PSMD9: variants seen among roughly 807,000 people sequenced by gnomAD.
PSMD9 encodes proteasome 26S subunit, non-ATPase 9.
PSMD9 carries 26 observed loss-of-function variants against 25.9 expected under a neutral mutation model. The observed-to-expected ratio is 1.00, with a 90% confidence interval of 0.73 to 1.39. The LOEUF (loss-of-function observed/expected upper bound fraction) is 1.39, where lower values mean the gene tolerates loss of function less well. PSMD9 is among the 40% of genes most tolerant of loss of function. The pLI, the probability that PSMD9 is intolerant of heterozygous loss-of-function variation, is 0.00. For missense variants in PSMD9, 303 were observed against 299.3 expected, an observed-to-expected ratio of 1.01 and a Z score of -0.09; for synonymous variants, 110 against 114.5, an observed-to-expected ratio of 0.96 and a Z score of 0.25.
In PSMD9 at chr12:121,888,848, G is replaced by C; in HGVS notation, c.-9G>C. On this transcript the variant is annotated 5_prime_UTR_variant, in exon 1 of 6. Transcript: ENST00000541212. ...GCCGGGTCTCTGGAGTCGCGGCCCG[G>C]GGTTCACGATGTCCGACGAGGAAGC... is the stretch of plus-strand genomic sequence containing the variant. The C allele has an allele frequency of 6.2e-7, 1 of 1,600,678 alleles. No homozygotes were observed. Among genetic ancestry groups the C allele is most frequent in the Non-Finnish European group, 8.5e-7 (1 of 1,174,772 alleles).
intron 4 of PSMD9, 39 bp from the exon 5 acceptor site, chr12:121,915,817 A>G: frequency 6.5e-7 from 1 of 1,544,364 alleles, no homozygotes. Context: ...TCTGAGTACT[A>G]ACGAGGCTGA....
rs1336896251 is a variant in PSMD9 at position 121,903,099 on chromosome 12, A to G, written c.547A>G (p.Ser183Gly). The G allele has an allele frequency of 6.2e-7, 1 of 1,613,564 alleles. No individual in the cohort carries two copies. The highest frequency in any genetic ancestry group is 1.3e-5 in the African/African-American group (1 of 74,880). The change falls in exon 4 of 6, where the codon AGT becomes GGT. Residue 183 changes from serine (S) to glycine (G), a missense_variant. Physicochemically the swap from Ser to Gly is moderately conservative, Grantham distance 56. Transcript: ENST00000541212. ...TAACATTGGCAGTGTGGTGCAGCAC[A>G]GTGAGGGGGTGAGTGGGGCTACCTG... ...LHNIGSVVQHSEGKPLNVTVI... is the reference protein window; with the variant it reads ...LHNIGSVVQHGEGKPLNVTVI...
At position 121,915,908 on chromosome 12, in the gene PSMD9, T is replaced by C. The variant is rs1324981201; in HGVS notation, c.608T>C (p.Leu203Pro). The C allele has an allele frequency of 2.5e-6, 4 of 1,613,862 alleles. No individual in the cohort carries two copies. The highest frequency in any genetic ancestry group is 3.4e-6 in the Non-Finnish European group (4 of 1,179,980). The change falls in exon 5 of 6, where the codon CTT (leucine) becomes CCT (proline). Residue 203 changes from leucine (L) to proline (P), a missense_variant. Transcript: ENST00000541212. ...IRRGEKHQLR[L>P]VPTRWAGKGL... is the part of the protein sequence containing the mutation. ...AGGGGGGAAAAACACCAGCTTAGACTTGTTCCAACACGCTGGGCAGGAAAA... is the reference window on the plus strand; with the variant it reads ...AGGGGGGAAAAACACCAGCTTAGACCTGTTCCAACACGCTGGGCAGGAAAA...
intron 1 of PSMD9, among the ~76,000 whole-genome samples, chr12:121,891,838 G>A (rs1356495418): frequency 2.0e-5 from 3 of 149,990 alleles, no homozygotes; most frequent in Non-Finnish European, 4.4e-5. Context: ...CCTGGGAGGC[G>A]GAGGTTGCAG....
At chr12:121,907,821 C>G (rs1470890329) in intron 4 of PSMD9, among the ~76,000 whole-genome samples, 1 of 152,178 alleles carries the variant, frequency 6.6e-6, no homozygotes, top group African/African-American at 2.4e-5. Context: ...AGGAGGATCA[C>G]TTGAGGCCAG....
At chr12:121,901,596 C>A (rs891745561) in intron 3 of PSMD9, among the ~76,000 whole-genome samples, 1 of 151,214 alleles carries the variant, frequency 6.6e-6, no homozygotes, top group Admixed American at 6.6e-5. Flanking sequence ...CTCAAGCGAT[C>A]CTTCTTCCTC....
intron 1 of PSMD9, among the ~76,000 whole-genome samples, chr12:121,889,517 A>G (rs985439851): frequency 1.3e-5 from 2 of 151,968 alleles, no homozygotes; most frequent in African/African-American, 4.8e-5. Flanking sequence ...TGCACCCGGC[A>G]TTTGCTGATT....
chr12:121,912,868 CAAAAAAAAAAAAA>C (rs35325016), intron 4 of PSMD9, among the ~76,000 whole-genome samples: 1 of 85,810 alleles, frequency 1.2e-5, no homozygotes, highest in East Asian at 4.7e-4. Context: ...AACCCTGTCT[CAAAAAAAAAAAAA>C]AAAAAAGAAA....
chr12:121,902,953 C>A, intron 3 of PSMD9, 53 bp from the exon 4 acceptor site: 1 of 1,438,128 alleles, frequency 7.0e-7, no homozygotes, highest in Non-Finnish European at 9.8e-7. Flanking sequence ...TAGAGACCAC[C>A]AGGAGCACAC....
rs148624859 is a variant in PSMD9, at chr12:121,899,950, C to T, written c.453+105C>T. 104 of 1,282,350 alleles carry T rather than the reference C, an allele frequency of 8.1e-5. 3 individuals are homozygous for T. In the African/African-American group the frequency reaches 1.2e-3, roughly 15 times the overall value. The allele number at this position is 1,282,350 out of a possible 1,614,324, so 79.4% of individuals were successfully genotyped here. ...GACTAGTTCTCTCCGTGCTGCGGTG[C>T]TGAGTTCAGTTACTCATTTAACAAA... is the stretch of plus-strand genomic sequence containing the variant. On this transcript the variant is annotated intron_variant, in intron 3 of 5. Coordinates refer to ENST00000541212, the MANE Select transcript of PSMD9 (RefSeq NM_002813.7).
chr12:121,888,819 G>A lies in PSMD9; in HGVS notation c.-38G>A. The A allele has an allele frequency of 3.2e-6, 5 of 1,585,514 alleles. No individual in the cohort carries two copies. The highest frequency in any genetic ancestry group is 4.3e-6 in the Non-Finnish European group (5 of 1,167,046). ...TCGACTGGGGCGTCGTCCCTAGCCC[G>A]GGAGCCGGGTCTCTGGAGTCGCGGC... On this transcript the variant is annotated 5_prime_UTR_variant, in exon 1 of 6. Transcript: ENST00000541212.
intron 2 of PSMD9, among the ~76,000 whole-genome samples, chr12:121,896,141 CT>C (rs1294458645): frequency 6.6e-6 from 1 of 150,870 alleles, no homozygotes; most frequent in Non-Finnish European, 1.5e-5. Flanking sequence ...AAAAAAAAAT[CT>C]GTTTGAGCAA....
At chr12:121,895,052 C>CTT (rs924593936) in intron 2 of PSMD9, among the ~76,000 whole-genome samples, 1 of 148,444 alleles carries the variant, frequency 6.7e-6, no homozygotes, top group Non-Finnish European at 1.5e-5. Flanking sequence ...CTCTCTCTCT[C>CTT]TTTTTTTTTT....
rs1275486869 is a variant in PSMD9 at position 121,918,114 on chromosome 12, C to A, written c.*1803C>A. 6.6e-6 allele frequency: 1 copy of A among 152,190 alleles called. No homozygotes were observed. The highest frequency in any genetic ancestry group is 1.5e-5 in the Non-Finnish European group (1 of 68,056). 9.4% of individuals were successfully genotyped at this position (152,190 alleles called of 1,614,324 possible). A position where few individuals can be genotyped will look rare whatever the true frequency, so the allele number is the denominator to read the frequency against. ...GTGGAATGATCCTAATAGATATAGC[C>A]AGACCGGTTTTGCGGAAACGCTTTG... On this transcript the variant is annotated 3_prime_UTR_variant, in exon 6 of 6. Transcript: ENST00000541212. This position sits in a 1 kb window ranked among gnomAD's most constrained non-coding sequence, Gnocchi z 4.3.
At chr12:121,912,805 G>A (rs1290339909) in intron 4 of PSMD9, among the ~76,000 whole-genome samples, 1 of 145,636 alleles carries the variant, frequency 6.9e-6, no homozygotes, top group African/African-American at 2.5e-5. Flanking sequence ...GGCAGAGGTT[G>A]CAGTGAGCTA....
chr12:121,899,512 T>A (rs1592943227), intron 2 of PSMD9, 122 bp from the exon 3 acceptor site: 1 of 928,860 alleles, frequency 1.1e-6, no homozygotes, highest in South Asian at 1.7e-5. Flanking sequence ...AGAGACTCCT[T>A]CTCACCTCTA....
At chr12:121,913,671 T>C (rs746675665) in intron 4 of PSMD9, among the ~76,000 whole-genome samples, 21 of 151,752 alleles carry the variant, frequency 1.4e-4, no homozygotes, top group Middle Eastern at 3.4e-3. Context: ...AAAAAAAATA[T>C]ATGTTTTTTG....
At chr12:121,914,899 T>C (rs891708465) in intron 4 of PSMD9, 1 of 152,076 alleles carries the variant, frequency 6.6e-6, no homozygotes. Flanking sequence ...ATTAATGATA[T>C]GGAAATATAT....
intron 4 of PSMD9, among the ~76,000 whole-genome samples, chr12:121,903,337 C>A (rs1339445244): frequency 6.6e-6 from 1 of 152,142 alleles, no homozygotes; most frequent in Non-Finnish European, 1.5e-5. Context: ...ACCCTGGGAG[C>A]TCTTGTATAA....
Sources: allele counts gnomAD v4.1 joint callset (sites outside exome capture counted in the v4.1 genomes callset), GRCh38; gene constraint gnomAD v4.1.1; non-coding constraint Gnocchi (gnomAD v3.1); transcripts MANE v1.5; gene names NCBI Gene and HGNC (gene_info 2026-07-23, HGNC 2026-07-21).